Variants in PTPN3 observed in about 807,000 individuals in gnomAD.
PTPN3 encodes tyrosine-protein phosphatase non-receptor type 3.
Under a neutral mutation model 132.7 loss-of-function variants are expected in PTPN3, and 96 were observed. The observed-to-expected ratio is 0.72, with a 90% CI of 0.61 to 0.86. The LOEUF is 0.86. Ranked by LOEUF, PTPN3 falls within the 40% of genes least tolerant of loss-of-function variation. PTPN3 has a pLI of 0.00. For synonymous variants in PTPN3, 398 were observed against 429.0 expected, an observed-to-expected ratio of 0.93 and a Z score of 0.89; for missense variants, 1,125 against 1,159.6, an observed-to-expected ratio of 0.97 and a Z score of 0.43.
chr9:109,445,743 C>G (rs1304811097), intron 6 of PTPN3, among the ~76,000 whole-genome samples: 2 of 152,200 alleles, frequency 1.3e-5, no homozygotes, highest in Non-Finnish European at 2.9e-5. Context: ...TACCCTCTTT[C>G]TAAAATAGTA....
intron 4 of PTPN3, among the ~76,000 whole-genome samples, chr9:109,455,443 C>T (rs1845513374): frequency 6.6e-6 from 1 of 152,208 alleles, no homozygotes; most frequent in African/African-American, 2.4e-5. Flanking sequence ...TTCTCACTAG[C>T]CTGCTAGATC....
At chr9:109,419,380 A>C (rs1257629175) in intron 14 of PTPN3, among the ~76,000 whole-genome samples, 1 of 152,200 alleles carries the variant, frequency 6.6e-6, no homozygotes, top group Non-Finnish European at 1.5e-5. Context: ...TTTACAGATT[A>C]ACTAACGTGC....
intron 1 of PTPN3, among the ~76,000 whole-genome samples, chr9:109,497,885 C>G (rs1486064468): frequency 6.6e-6 from 1 of 150,856 alleles, no homozygotes; most frequent in African/African-American, 2.4e-5. Flanking sequence ...GTGCCGGACG[C>G]ACGGGCTCCG....
intron 23 of PTPN3, 28 bp from the exon 24 acceptor site, chr9:109,382,475 G>A (rs368136001): frequency 3.1e-6 from 5 of 1,612,722 alleles, no homozygotes; most frequent in Non-Finnish European, 4.2e-6. Context: ...GCCTTGGTGA[G>A]CCCATCCAGG....
At chr9:109,441,718 A>G (rs1385577435) in intron 7 of PTPN3, among the ~76,000 whole-genome samples, 3 of 151,548 alleles carry the variant, frequency 2.0e-5, no homozygotes, top group African/African-American at 7.3e-5. Context: ...CCATCATTGT[A>G]TATTTTTGGG....
intron 22 of PTPN3, among the ~76,000 whole-genome samples, chr9:109,386,839 G>A (rs1009227480): frequency 6.6e-6 from 1 of 152,228 alleles, no homozygotes; most frequent in African/African-American, 2.4e-5. Flanking sequence ...GCTGAAAGCT[G>A]TGCCAAGGGA....
chr9:109,495,613 A>T (rs1847637049), intron 1 of PTPN3, among the ~76,000 whole-genome samples: 1 of 152,194 alleles, frequency 6.6e-6, no homozygotes. Flanking sequence ...ACTGTGTGTG[A>T]AACCTTCCAG....
At chr9:109,533,562 C>T in the PTPN3 span, 3 of 1,598,370 alleles carry the variant, frequency 1.9e-6, no homozygotes, top group South Asian at 2.2e-5. Flanking sequence ...TTGCCGTCCT[C>T]TCTAGGCTGT....
chr9:109,486,989 G>A (rs535269046), intron 1 of PTPN3, among the ~76,000 whole-genome samples: 1 of 152,324 alleles, frequency 6.6e-6, no homozygotes, highest in East Asian at 1.9e-4. Flanking sequence ...GCGGAACTGT[G>A]AGTCAATTAA....
At chr9:109,448,227 G>A (rs959005443) in intron 6 of PTPN3, among the ~76,000 whole-genome samples, 1 of 152,142 alleles carries the variant, frequency 6.6e-6, no homozygotes, top group African/African-American at 2.4e-5. Flanking sequence ...TAAACTCACA[G>A]GGGTTGGGGG....
intron 1 of PTPN3, among the ~76,000 whole-genome samples, chr9:109,482,324 G>T (rs574179709): frequency 2.0e-5 from 3 of 152,312 alleles, no homozygotes; most frequent in Middle Eastern, 3.4e-3. Flanking sequence ...CGGACGGCCA[G>T]TTAAGTAAGC....
the PTPN3 span, among the ~76,000 whole-genome samples, chr9:109,528,445 CAT>C: frequency 1.3e-5 from 2 of 152,190 alleles, no homozygotes; most frequent in Admixed American, 6.5e-5. Flanking sequence ...GTACCGATCT[CAT>C]AGATGAGCCA....
At chr9:109,535,261 A>G in the PTPN3 span, among the ~76,000 whole-genome samples, 2 of 152,210 alleles carry the variant, frequency 1.3e-5, no homozygotes, top group Non-Finnish European at 2.9e-5. Flanking sequence ...GTTCTTTATG[A>G]TCATTCACTG....
intron 1 of PTPN3, among the ~76,000 whole-genome samples, chr9:109,478,904 C>A (rs1203278769): frequency 6.6e-6 from 1 of 152,200 alleles, no homozygotes. Context: ...AGGGCAGAAT[C>A]CAAACCGGTG....
rs60379815 is a variant in PTPN3, at chr9:109,412,377, A to ATT, written c.1314-1964_1314-1963dup. ...CATTCGCCATGTCCAACTAATTTTA[A>ATT]TTTTTTTTTTTTTTTGAGTCAAAGT... On this transcript the variant is annotated intron_variant, in intron 14 of 25. Coordinates refer to ENST00000374541, the MANE Select transcript of PTPN3 (RefSeq NM_002829.4). Among the ~76,000 whole-genome samples, 201 of 142,712 alleles carry ATT rather than the reference A, an allele frequency of 1.4e-3. 1 individual carries two copies. Among genetic ancestry groups the ATT allele is most frequent in the Non-Finnish European group, 2.0e-3 (132 of 64,834 alleles). 93.6% of individuals were successfully genotyped at this position (142,712 alleles called of 152,430 possible).
intron 7 of PTPN3, among the ~76,000 whole-genome samples, chr9:109,439,042 G>A (rs933484631): frequency 2.0e-5 from 3 of 152,128 alleles, no homozygotes; most frequent in African/African-American, 7.2e-5. Flanking sequence ...ACTGTTGTCT[G>A]CCAATGTGAA....
At chr9:109,395,998 T>C (rs1840572826) in intron 19 of PTPN3, among the ~76,000 whole-genome samples, 2 of 151,834 alleles carry the variant, frequency 1.3e-5, no homozygotes, top group African/African-American at 4.8e-5. Flanking sequence ...CTGGAATCTG[T>C]ATACAGGCGT....
chr9:109,501,337 G>A (rs1847862099), upstream of PTPN3, among the ~76,000 whole-genome samples: 1 of 152,164 alleles, frequency 6.6e-6, no homozygotes, highest in Non-Finnish European at 1.5e-5. Flanking sequence ...TGATCTCAAA[G>A]TCAGGGTGTT....
rs1554777541 is a variant in PTPN3 at position 109,391,875 on chromosome 9, G to GA, written c.1954-315_1954-314insT. Among the ~76,000 whole-genome samples, 9 of 105,120 alleles carry GA rather than the reference G, an allele frequency of 8.6e-5. No individual in the cohort carries two copies. The South Asian group carries it at 1.4e-3, about 16-fold the overall frequency. The allele number at this position is 105,120 out of a possible 152,430, so 69.0% of individuals were successfully genotyped here. ...GAGCTAAAAGCAACTAGATGTGGGG[G>GA]GGGGGGGGAAGAATTCTGGCTCAAA... On this transcript the variant is annotated intron_variant, in intron 19 of 25. Coordinates refer to ENST00000374541, the MANE Select transcript of PTPN3 (RefSeq NM_002829.4).
Sources: gnomAD v4.1 joint callset for allele counts (sites outside exome capture counted in the v4.1 genomes callset) on GRCh38, gnomAD v4.1.1 for gene constraint, MANE v1.5 for transcripts, NCBI Gene and HGNC (gene_info 2026-07-23, HGNC 2026-07-21) for gene names.